Variants in SMAD2 observed in about 807,000 individuals in gnomAD.
SMAD2 encodes the protein MAD homolog 2.
Under a neutral mutation model 64.4 loss-of-function variants are expected in SMAD2, and 8 were observed. The ratio of observed to expected loss-of-function variants is 0.12; its 90% CI spans 0.07 to 0.22. The LOEUF (loss-of-function observed/expected upper bound fraction) is 0.22, where lower values mean the gene tolerates loss of function less well. SMAD2 is among the 10% of genes least tolerant of loss of function. The probability of loss-of-function intolerance (pLI) is 1.00; values close to 1 mark genes in which losing one functional copy is unlikely to be tolerated. For missense variants in SMAD2, 289 were observed against 561.2 expected, an observed-to-expected ratio of 0.51 and a Z score of 4.90; for synonymous variants, 203 against 195.8, an observed-to-expected ratio of 1.04 and a Z score of -0.31.
At chr18:47,898,959 C>T in intron 1 of SMAD2, among the ~76,000 whole-genome samples, 1 of 151,412 alleles carries the variant, frequency 6.6e-6, no homozygotes, top group Non-Finnish European at 1.5e-5. Context: ...TGTTATTCAT[C>T]TGCAAACTAC....
At chr18:47,870,430 C>T in intron 3 of SMAD2, 45 bp downstream of exon 3, 1 of 1,392,396 alleles carries the variant, frequency 7.2e-7, no homozygotes, top group Non-Finnish European at 1.0e-6. Flanking sequence ...AATATACCCC[C>T]CTCCCACAAG....
intron 6 of SMAD2, among the ~76,000 whole-genome samples, chr18:47,860,077 C>T (rs192183263): frequency 5.9e-4 from 90 of 152,094 alleles, no homozygotes; most frequent in Non-Finnish European, 9.1e-4. Flanking sequence ...TTGAGGCTGC[C>T]GTGAGCCAAC....
At position 47,823,016 on chromosome 18, in the gene SMAD2, T is replaced by G. The variant is rs1418529697; in HGVS notation, c.*18811A>C. 2.0e-5 allele frequency: 3 copies of G among 152,188 alleles called. No individual in the cohort carries two copies. Among genetic ancestry groups the G allele is most frequent in the African/African-American group, 7.2e-5 (3 of 41,430 alleles). 9.4% of individuals were successfully genotyped at this position (152,188 alleles called of 1,614,324 possible). ...ATTTGTGAGTACTCTTAAGGCAATA[T>G]GATTTGCCTAAGTTCAATAAAAATC... is the stretch of plus-strand genomic sequence containing the variant. On this transcript the variant is annotated 3_prime_UTR_variant, in exon 11 of 11. Coordinates refer to ENST00000262160, the MANE Select transcript of SMAD2 (RefSeq NM_005901.6).
At chr18:47,851,237 G>C in intron 7 of SMAD2, 37 bp downstream of exon 7, 1 of 1,381,552 alleles carries the variant, frequency 7.2e-7, no homozygotes, top group East Asian at 2.3e-5. Flanking sequence ...AGGTGATACA[G>C]TATAAAAATG....
At chr18:47,897,080 A>G (rs2144476920) in intron 1 of SMAD2, among the ~76,000 whole-genome samples, 1 of 152,338 alleles carries the variant, frequency 6.6e-6, no homozygotes, top group Admixed American at 6.5e-5. Flanking sequence ...ACGATTTTTC[A>G]CCACCAATAC....
chr18:47,923,896 T>G (rs1041126229), intron 1 of SMAD2, among the ~76,000 whole-genome samples: 1 of 152,094 alleles, frequency 6.6e-6, no homozygotes, highest in African/African-American at 2.4e-5. Flanking sequence ...ACTAAAACAT[T>G]TTTTAAAAAA....
At chr18:47,843,243 T>G (rs367555101) in intron 10 of SMAD2, among the ~76,000 whole-genome samples, 5 of 152,318 alleles carry the variant, frequency 3.3e-5, no homozygotes, top group African/African-American at 9.6e-5. Flanking sequence ...AATTGACATT[T>G]ACATGCCCAG....
chr18:47,870,966 G>GA (rs2031897695), intron 2 of SMAD2, among the ~76,000 whole-genome samples: 1 of 151,958 alleles, frequency 6.6e-6, no homozygotes, highest in South Asian at 2.1e-4. Flanking sequence ...TTTTAATATA[G>GA]AAAAAAATCC....
intron 2 of SMAD2, 48 bp from the exon 3 acceptor site, chr18:47,870,612 G>A (rs771384571): frequency 8.5e-7 from 1 of 1,169,910 alleles, no homozygotes; most frequent in Non-Finnish European, 1.3e-6. Flanking sequence ...ATGGAAGCAT[G>A]GTTATTCAAA....
At chr18:47,873,582 G>C (rs554797409) in intron 2 of SMAD2, among the ~76,000 whole-genome samples, 1 of 152,232 alleles carries the variant, frequency 6.6e-6, no homozygotes, top group South Asian at 2.1e-4. Flanking sequence ...ATTAGTAAAA[G>C]AATACACAAA....
rs1200399096 is a variant in SMAD2 at position 47,830,922 on chromosome 18, T to C, written c.*10905A>G. On this transcript the variant is annotated 3_prime_UTR_variant, in exon 11 of 11. Coordinates refer to ENST00000262160, the MANE Select transcript of SMAD2 (RefSeq NM_005901.6). ...ATGGCTTCTCTAGATGAATCATCTTTGGCTGTGAGCAAAAAAGTTAACTAA... is the reference window on the plus strand; with the variant it reads ...ATGGCTTCTCTAGATGAATCATCTTCGGCTGTGAGCAAAAAAGTTAACTAA... The C allele has an allele frequency of 3.3e-5, 5 of 152,886 alleles. No homozygotes were observed. The highest frequency in any genetic ancestry group is 3.1e-3 in the Middle Eastern group (1 of 320). The allele number at this position is 152,886 out of a possible 1,614,324, so 9.5% of individuals were successfully genotyped here.
chr18:47,877,794 T>A (rs2032352693), intron 2 of SMAD2, among the ~76,000 whole-genome samples: 1 of 152,140 alleles, frequency 6.6e-6, no homozygotes, highest in Non-Finnish European at 1.5e-5. Context: ...AAAAACTGTA[T>A]CTCTTGAAAA....
At position 47,896,728 on chromosome 18, in the gene SMAD2, G is replaced by T; in HGVS notation, c.29C>A (p.Pro10Gln). Residue 10 changes from proline (P) to glutamine (Q), a missense_variant, in exon 2 of 11, where the codon CCA (proline) becomes CAA (glutamine). Pro to Gln is a moderately conservative substitution (Grantham distance 76). Coordinates refer to ENST00000262160, the MANE Select transcript of SMAD2 (RefSeq NM_005901.6). MSSILPFTPPVVKRLLGWKK... is the reference protein window; with the variant it reads MSSILPFTPQVVKRLLGWKK... Reference sequence around the variant, plus strand: ...CCATCCCAGCAGTCTCTTCACAACTGGCGGCGTGAATGGCAAGATGGACGA... The same window carrying T: ...CCATCCCAGCAGTCTCTTCACAACTTGCGGCGTGAATGGCAAGATGGACGA... 6.2e-7 allele frequency: 1 copy of T among 1,614,016 alleles called. No individual in the cohort carries two copies. Among genetic ancestry groups the T allele is most frequent in the Non-Finnish European group, 8.5e-7 (1 of 1,179,986 alleles).
At chr18:47,855,439 T>TG (rs1242800556) in intron 6 of SMAD2, among the ~76,000 whole-genome samples, 9 of 152,190 alleles carry the variant, frequency 5.9e-5, no homozygotes, top group African/African-American at 2.2e-4. Flanking sequence ...ATCACCAAAC[T>TG]GTCTTCCAAA....
rs1225974037 is a variant in SMAD2 at position 47,821,464 on chromosome 18, A to C, written c.*20363T>G. 1 of 152,180 alleles carries C rather than the reference A, an allele frequency of 6.6e-6. No homozygotes were observed. The highest frequency in any genetic ancestry group is 1.5e-5 in the Non-Finnish European group (1 of 68,008). The allele number at this position is 152,180 out of a possible 1,614,324, so 9.4% of individuals were successfully genotyped here. A position where few individuals can be genotyped will look rare whatever the true frequency, so the allele number is the denominator to read the frequency against. ...AATTCTTGGCTCTTCTCATGTTTGA[A>C]TTGTTCCACGCAAGCAGGAAATTTC... On this transcript the variant is annotated 3_prime_UTR_variant, in exon 11 of 11. Transcript: ENST00000262160.
At position 47,850,375 on chromosome 18, in the gene SMAD2, ATATATAT is replaced by A. The variant is rs1397126730; in HGVS notation, c.784+892_784+898del. ...ATACATAATATGTATAATATATATT[ATATATAT>A]TATATAATATATATTATATATTATG... On this transcript the variant is annotated intron_variant, in intron 7 of 10. Coordinates refer to ENST00000262160, the MANE Select transcript of SMAD2 (RefSeq NM_005901.6). Among the ~76,000 whole-genome samples, 11 of 23,062 alleles carry A rather than the reference ATATATAT, an allele frequency of 4.8e-4. 1 individual carries two copies. The highest frequency in any genetic ancestry group is 1.9e-3 in the Admixed American group (2 of 1,032). 15.1% of individuals were successfully genotyped at this position (23,062 alleles called of 152,430 possible).
intron 6 of SMAD2, among the ~76,000 whole-genome samples, chr18:47,861,605 C>T (rs996356922): frequency 5.9e-5 from 9 of 152,282 alleles, no homozygotes; most frequent in African/African-American, 2.2e-4. Context: ...CTGTTTAACA[C>T]ATGGCAGAGA....
At chr18:47,885,719 T>C (rs1414523421) in intron 2 of SMAD2, among the ~76,000 whole-genome samples, 1 of 152,018 alleles carries the variant, frequency 6.6e-6, no homozygotes, top group Non-Finnish European at 1.5e-5. Context: ...CCCAGCACTT[T>C]GGGAGGCTGA....
intron 1 of SMAD2, among the ~76,000 whole-genome samples, chr18:47,921,307 C>T (rs117443490): frequency 1.3e-5 from 2 of 152,282 alleles, no homozygotes; most frequent in East Asian, 3.9e-4. Context: ...AATATACACA[C>T]AAAATTGTTC....
Sources: allele counts gnomAD v4.1 joint callset (sites outside exome capture counted in the v4.1 genomes callset), GRCh38; gene constraint gnomAD v4.1.1; transcripts MANE v1.5; gene names NCBI Gene and HGNC (gene_info 2026-07-23, HGNC 2026-07-21).